EYS: variants seen among roughly 807,000 people sequenced by gnomAD.
EYS encodes protein eyes shut homolog.
A neutral mutation model predicts 282.1 loss-of-function variants in EYS; 250 were observed. The ratio of observed to expected loss-of-function variants is 0.89; its 90% CI spans 0.80 to 0.98. The LOEUF is 0.98. EYS is among the 50% of genes least tolerant of loss of function. The pLI is 0.00. For synonymous variants in EYS, 1,355 were observed against 1,282.9 expected, an observed-to-expected ratio of 1.06 and a Z score of -1.20; for missense variants, 4,016 against 3,709.0, an observed-to-expected ratio of 1.08 and a Z score of -2.15.
At chr6:64,409,297 G>A (rs915989511) in intron 28 of EYS, among the ~76,000 whole-genome samples, 5 of 152,052 alleles carry the variant, frequency 3.3e-5, no homozygotes, top group Non-Finnish European at 7.4e-5. Context: ...TTTATATTCC[G>A]TTAGGTATAT....
At chr6:65,559,450 T>G (rs562904224) in intron 2 of EYS, among the ~76,000 whole-genome samples, 93 of 152,308 alleles carry the variant, frequency 6.1e-4, no homozygotes, top group African/African-American at 2.2e-3. Context: ...ATTTTGCATG[T>G]AACTACTGGT....
intron 8 of EYS, among the ~76,000 whole-genome samples, 159 bp downstream of exon 8, chr6:65,384,227 A>G (rs1765718865): frequency 6.6e-6 from 1 of 151,778 alleles, no homozygotes; most frequent in Non-Finnish European, 1.5e-5. Flanking sequence ...CTTATAAATT[A>G]AAACCCCTAT....
intron 26 of EYS, among the ~76,000 whole-genome samples, chr6:64,533,592 A>G (rs1253953026): frequency 2.6e-5 from 4 of 152,106 alleles, no homozygotes; most frequent in Non-Finnish European, 5.9e-5. Context: ...ACCTGTATCT[A>G]TGTTTTTCAA....
chr6:65,225,237 AC>A lies in EYS; in HGVS notation c.2023+70625del, dbSNP rs527638590. ...ATAATCAACAAAACTAAGTCTAAAA[AC>A]TTTTACAAGAAAACTAAAAACTAAT... On this transcript the variant is annotated intron_variant, in intron 12 of 42. Transcript: ENST00000503581. 1.4e-3 allele frequency among the ~76,000 whole-genome samples: 207 copies of A among 150,492 alleles called. 2 individuals carry two copies. Among genetic ancestry groups the A allele is most frequent in the African/African-American group, 4.7e-3 (195 of 41,240 alleles).
intron 35 of EYS, among the ~76,000 whole-genome samples, chr6:63,961,354 C>T (rs796654783): frequency 6.6e-6 from 1 of 152,014 alleles, no homozygotes; most frequent in Non-Finnish European, 1.5e-5. Flanking sequence ...TTCTGCCCCC[C>T]TTTAACTGAG....
chr6:65,290,246 A>G (rs1475988620), intron 12 of EYS, among the ~76,000 whole-genome samples: 1 of 151,028 alleles, frequency 6.6e-6, no homozygotes, highest in Non-Finnish European at 1.5e-5. Flanking sequence ...GGACTCTGTC[A>G]TTAAACATAT....
intron 15 of EYS, among the ~76,000 whole-genome samples, chr6:64,918,103 A>G (rs572918014): frequency 6.6e-6 from 1 of 152,244 alleles, no homozygotes; most frequent in East Asian, 1.9e-4. Context: ...TTCATACCGA[A>G]TTATAACATG....
At chr6:64,291,444 A>G (rs1328257706) in intron 30 of EYS, among the ~76,000 whole-genome samples, 6 of 152,050 alleles carry the variant, frequency 3.9e-5, no homozygotes, top group Admixed American at 3.9e-4. Flanking sequence ...AAATAGTTTC[A>G]TTTTCCTGAA....
chr6:64,499,299 G>A (rs976587033), intron 26 of EYS, among the ~76,000 whole-genome samples: 1 of 152,162 alleles, frequency 6.6e-6, no homozygotes, highest in Admixed American at 6.5e-5. Context: ...CACGGAGACT[G>A]TGTCATGTTA....
chr6:63,870,639 C>T (rs1772779176), intron 35 of EYS, among the ~76,000 whole-genome samples: 1 of 152,104 alleles, frequency 6.6e-6, no homozygotes, highest in Non-Finnish European at 1.5e-5. Flanking sequence ...GTTCTTGCTT[C>T]TAAATATGTT....
intron 31 of EYS, among the ~76,000 whole-genome samples, chr6:64,196,951 G>C (rs951965914): frequency 6.6e-6 from 1 of 151,200 alleles, no homozygotes; most frequent in African/African-American, 2.4e-5. Flanking sequence ...TGTATTTTTC[G>C]TGGCTCCTGT....
intron 27 of EYS, among the ~76,000 whole-genome samples, chr6:64,437,454 T>A (rs1774791126): frequency 6.6e-6 from 1 of 151,710 alleles, no homozygotes; most frequent in South Asian, 2.1e-4. Context: ...TAATAATTTG[T>A]CAATCTCCAT....
rs181949912 is a variant in EYS at position 65,481,579 on chromosome 6, C to T, written c.862+9015G>A. Among the ~76,000 whole-genome samples, 315 of 152,238 alleles carry T rather than the reference C, an allele frequency of 2.1e-3. 2 individuals are homozygous for T. The highest frequency in any genetic ancestry group is 7.3e-3 in the African/African-American group (302 of 41,548). ...TTTGTTTTGTTTTGAGACGGAGTCT[C>T]GCTCTGTTGCCCAGGCTGAAGTGCA... On this transcript the variant is annotated intron_variant, in intron 5 of 42. Coordinates refer to ENST00000503581, the MANE Select transcript of EYS (RefSeq NM_001142800.2).
chr6:64,153,260 C>A (rs1324741662), intron 31 of EYS, among the ~76,000 whole-genome samples: 1 of 152,020 alleles, frequency 6.6e-6, no homozygotes, highest in Non-Finnish European at 1.5e-5. Context: ...AGGATTTGAA[C>A]CTAGAGATGT....
rs1372670852 is a variant in EYS, at chr6:64,895,401, T to C, written c.2846+6712A>G. Among the ~76,000 whole-genome samples the C allele has an allele frequency of 2.6e-5, 4 of 152,210 alleles. No individual in the cohort carries two copies. In the South Asian group the frequency reaches 8.3e-4, roughly 31 times the overall value. On this transcript the variant is annotated intron_variant, in intron 18 of 42. Coordinates refer to ENST00000503581, the MANE Select transcript of EYS (RefSeq NM_001142800.2). Reference sequence around the variant, plus strand: ...GACCTAAATAAATAGATATCAATTTTTCTTAAATTGGCCTACCCATTCAAT... The same window carrying C: ...GACCTAAATAAATAGATATCAATTTCTCTTAAATTGGCCTACCCATTCAAT...
intron 18 of EYS, among the ~76,000 whole-genome samples, chr6:64,887,096 G>C (rs969160441): frequency 6.6e-6 from 1 of 151,712 alleles, no homozygotes; most frequent in East Asian, 1.9e-4. Context: ...ATAAATACTA[G>C]TATCAAAATA....
intron 23 of EYS, among the ~76,000 whole-genome samples, chr6:64,618,960 A>G (rs972442906): frequency 6.6e-6 from 1 of 152,234 alleles, no homozygotes; most frequent in African/African-American, 2.4e-5. Context: ...ACCCTGATAA[A>G]TGCTCTTATA....
At chr6:65,335,200 A>C in intron 10 of EYS, 54 bp from the exon 11 acceptor site, 1 of 1,243,412 alleles carries the variant, frequency 8.0e-7, no homozygotes, top group Non-Finnish European at 1.2e-6. Flanking sequence ...TTACTACAAT[A>C]TTACAATTGT....
Position 64,569,301 on chromosome 6 carries a change from G to GACCTAATGGAGCTGAAAAACA in EYS, c.5644+20901_5644+20921dup, listed in dbSNP as rs1765648797. 4.6e-5 allele frequency among the ~76,000 whole-genome samples: 7 copies of GACCTAATGGAGCTGAAAAACA among 151,890 alleles called. No homozygotes were observed. The South Asian group carries it at 1.2e-3, about 27-fold the overall frequency. ...AACCAGTTTAGAGAAGAACATAAAT[G>GACCTAATGGAGCTGAAAAACA]ACCTAATGGAGCTGAAAAACACAGC... On this transcript the variant is annotated intron_variant, in intron 26 of 42. Coordinates refer to ENST00000503581, the MANE Select transcript of EYS (RefSeq NM_001142800.2).
Sources: gnomAD v4.1 joint callset for allele counts (sites outside exome capture counted in the v4.1 genomes callset) on GRCh38, gnomAD v4.1.1 for gene constraint, MANE v1.5 for transcripts, NCBI Gene and HGNC (gene_info 2026-07-23, HGNC 2026-07-21) for gene names.